The following ZBBX variants were observed in gnomAD, a reference collection of about 807,000 sequenced individuals.
ZBBX encodes the protein zinc finger B-box domain-containing protein 1.
A neutral mutation model predicts 108.5 loss-of-function variants in ZBBX; 101 were observed. That is an observed-to-expected ratio of 0.93 (90% CI 0.79 to 1.10). The LOEUF (loss-of-function observed/expected upper bound fraction) is 1.10. Ranked by LOEUF, ZBBX falls within the 50% of genes least tolerant of loss-of-function variation. The probability of loss-of-function intolerance (pLI) is 0.00; values close to 1 mark genes in which losing one functional copy is unlikely to be tolerated. For missense variants in ZBBX, 1,009 were observed against 941.4 expected (o/e 1.07, Z -0.94); for synonymous variants, 356 against 323.4 (o/e 1.10, Z -1.08).
chr3:167,352,407 C>T lies in ZBBX; in HGVS notation c.433-1892G>A, dbSNP rs528466408. On this transcript the variant is annotated intron_variant, in intron 8 of 21. Transcript: ENST00000675490. ...TAGAAAATGAATAAATTCCTGGAAA[C>T]GCACAGCCTCTCAAGGTTGAAACAG... Among the ~76,000 whole-genome samples, 276 of 152,078 alleles carry T rather than the reference C, an allele frequency of 1.8e-3. 2 individuals carry two copies. Among genetic ancestry groups the T allele is most frequent in the African/African-American group, 4.3e-3 (177 of 41,514 alleles).
At chr3:167,377,333 G>A (rs1747126701) in intron 2 of ZBBX, among the ~76,000 whole-genome samples, 1 of 152,110 alleles carries the variant, frequency 6.6e-6, no homozygotes, top group Admixed American at 6.5e-5. Context: ...TGGCAGAATG[G>A]GAGGTTTGGG....
intron 20 of ZBBX, among the ~76,000 whole-genome samples, chr3:167,261,358 G>A (rs889792317): frequency 5.3e-5 from 8 of 151,904 alleles, no homozygotes; most frequent in Admixed American, 3.9e-4. Context: ...GTAGTATGGG[G>A]GAGGAACTGG....
chr3:167,246,852 A>G (rs1721656491), intron 20 of ZBBX, among the ~76,000 whole-genome samples: 1 of 152,240 alleles, frequency 6.6e-6, no homozygotes, highest in African/African-American at 2.4e-5. Context: ...TTGTGGAAGG[A>G]ATAGTAAGTG....
chr3:167,201,800 G>A, the ZBBX span, among the ~76,000 whole-genome samples: 2 of 152,046 alleles, frequency 1.3e-5, no homozygotes, highest in East Asian at 3.9e-4. Flanking sequence ...AAATGTGAAC[G>A]TATACAGATA....
At chr3:167,372,790 C>A in intron 4 of ZBBX, 44 bp downstream of exon 4, 1 of 999,584 alleles carries the variant, frequency 1.0e-6, no homozygotes, top group Non-Finnish European at 1.5e-6. Flanking sequence ...TATACAGAAG[C>A]TTTGCAACTA....
At chr3:167,362,754 A>T (rs1488148070) in intron 6 of ZBBX, among the ~76,000 whole-genome samples, 1 of 152,014 alleles carries the variant, frequency 6.6e-6, no homozygotes, top group Non-Finnish European at 1.5e-5. Context: ...GGAAAGAGAA[A>T]ATTTTTCTAT....
At chr3:167,283,757 T>C (rs1332737006) in intron 19 of ZBBX, among the ~76,000 whole-genome samples, 1 of 152,070 alleles carries the variant, frequency 6.6e-6, no homozygotes, top group African/African-American at 2.4e-5. Flanking sequence ...GCGATTCTCC[T>C]GCCCCAGGCT....
the ZBBX span, among the ~76,000 whole-genome samples, chr3:167,204,119 TCA>T: frequency 3.3e-5 from 5 of 152,080 alleles, no homozygotes; most frequent in Non-Finnish European, 7.4e-5. Context: ...AAACTTCCAA[TCA>T]TCCACAGAAG....
intron 11 of ZBBX, among the ~76,000 whole-genome samples, chr3:167,324,462 G>A (rs569852084): frequency 6.6e-6 from 1 of 152,068 alleles, no homozygotes; most frequent in Non-Finnish European, 1.5e-5. Flanking sequence ...ACCTGGCTTA[G>A]GTCTGAGGAC....
chr3:167,268,675 C>T (rs1454177656), intron 20 of ZBBX, among the ~76,000 whole-genome samples: 2 of 152,116 alleles, frequency 1.3e-5, no homozygotes, highest in African/African-American at 2.4e-5. Flanking sequence ...TAAAACTCCA[C>T]TTTGTCACTA....
At chr3:167,193,474 A>G in the ZBBX span, among the ~76,000 whole-genome samples, 1 of 152,222 alleles carries the variant, frequency 6.6e-6, no homozygotes, top group East Asian at 1.9e-4. Flanking sequence ...GGCTATCCTC[A>G]GTGGTATTTG....
chr3:167,326,963 C>G (rs1297602648), intron 11 of ZBBX, among the ~76,000 whole-genome samples: 3 of 151,616 alleles, frequency 2.0e-5, no homozygotes, highest in Non-Finnish European at 4.4e-5. Context: ...AATTTATTAT[C>G]TAACATTTTA....
intron 14 of ZBBX, among the ~76,000 whole-genome samples, 176 bp downstream of exon 14, chr3:167,316,829 C>T (rs775277228): frequency 1.2e-4 from 18 of 151,966 alleles, no homozygotes; most frequent in Non-Finnish European, 1.8e-4. Flanking sequence ...TGTTTACATT[C>T]AGAATAATAT....
At chr3:167,375,000 C>T (rs1746724629) in intron 2 of ZBBX, among the ~76,000 whole-genome samples, 2 of 152,000 alleles carry the variant, frequency 1.3e-5, no homozygotes, top group South Asian at 2.1e-4. Context: ...TGGCTGAGGC[C>T]CAATAATGAG....
At chr3:167,390,464 G>A (rs572908590) in intron 1 of ZBBX, among the ~76,000 whole-genome samples, 7 of 150,670 alleles carry the variant, frequency 4.6e-5, no homozygotes, top group East Asian at 1.9e-4. Context: ...TTGGCTATAC[G>A]GGCTCTTTTT....
At chr3:167,358,585 G>T (rs988342026) in intron 8 of ZBBX, among the ~76,000 whole-genome samples, 3 of 152,092 alleles carry the variant, frequency 2.0e-5, no homozygotes, top group African/African-American at 7.2e-5. Flanking sequence ...AGAAGTTAAA[G>T]AGCAGTCAGA....
At chr3:167,325,321 C>T (rs552649710) in intron 11 of ZBBX, among the ~76,000 whole-genome samples, 2 of 151,960 alleles carry the variant, frequency 1.3e-5, no homozygotes, top group Non-Finnish European at 2.9e-5. Context: ...TGACAGAAGA[C>T]AAAGGAAGAG....
chr3:167,343,040 T>C (rs1740822917), intron 9 of ZBBX, among the ~76,000 whole-genome samples: 1 of 151,944 alleles, frequency 6.6e-6, no homozygotes, highest in Non-Finnish European at 1.5e-5. Context: ...TCATTAATAT[T>C]ACATTGTTTT....
chr3:167,306,065 C>T, intron 16 of ZBBX, 115 bp from the exon 17 acceptor site: 1 of 777,710 alleles, frequency 1.3e-6, no homozygotes. Context: ...CACTATTTCA[C>T]AAATTCCTTT....
Sources: gnomAD v4.1 joint callset for allele counts (sites outside exome capture counted in the v4.1 genomes callset) on GRCh38, gnomAD v4.1.1 for gene constraint, MANE v1.5 for transcripts, NCBI Gene and HGNC (gene_info 2026-07-23, HGNC 2026-07-21) for gene names.